NEGR1: variants seen among roughly 807,000 people sequenced by gnomAD.
NEGR1 encodes IgLON family member 4.
A neutral mutation model predicts 40.9 loss-of-function variants in NEGR1; 10 were observed. The ratio of observed to expected loss-of-function variants is 0.24; its 90% CI spans 0.15 to 0.42. NEGR1 has a LOEUF of 0.42. NEGR1 is among the 10% of genes least tolerant of loss of function. The pLI is 1.00. For synonymous variants in NEGR1, 185 were observed against 166.8 expected (o/e 1.11, Z -0.84); for missense variants, 352 against 438.9 (o/e 0.80, Z 1.77).
intron 1 of NEGR1, among the ~76,000 whole-genome samples, chr1:72,195,936 G>C (rs1161752082): frequency 6.6e-6 from 1 of 151,920 alleles, no homozygotes; most frequent in Non-Finnish European, 1.5e-5. Flanking sequence ...CAACCCAAAG[G>C]CATTTTCTGC....
chr1:72,167,723 T>C (rs956571645), intron 1 of NEGR1, among the ~76,000 whole-genome samples: 3 of 152,054 alleles, frequency 2.0e-5, no homozygotes, highest in African/African-American at 7.2e-5. Context: ...TAGCTGTTTT[T>C]AGTTGAGCTT....
At chr1:71,604,904 G>A (rs1422032538) in intron 5 of NEGR1, among the ~76,000 whole-genome samples, 1 of 152,146 alleles carries the variant, frequency 6.6e-6, no homozygotes, top group Non-Finnish European at 1.5e-5. Context: ...TAAAAGTCAA[G>A]ATATTATAGG....
chr1:71,747,020 A>G (rs1655408896), intron 3 of NEGR1, among the ~76,000 whole-genome samples: 1 of 152,236 alleles, frequency 6.6e-6, no homozygotes, highest in African/African-American at 2.4e-5. Flanking sequence ...GCTAGTGTAA[A>G]TGATTCAGTT....
chr1:72,191,504 T>A (rs1237836566), intron 1 of NEGR1, among the ~76,000 whole-genome samples: 1 of 151,832 alleles, frequency 6.6e-6, no homozygotes, highest in East Asian at 1.9e-4. Context: ...AATCCCATAA[T>A]AATCTAAAAT....
At chr1:71,560,717 A>G (rs1271230401) in intron 6 of NEGR1, among the ~76,000 whole-genome samples, 1 of 151,264 alleles carries the variant, frequency 6.6e-6, no homozygotes, top group Admixed American at 6.6e-5. Flanking sequence ...AAGACCAGCC[A>G]AGATTCTAAA....
At chr1:71,977,281 A>T (rs1226571218) in intron 1 of NEGR1, among the ~76,000 whole-genome samples, 2 of 152,084 alleles carry the variant, frequency 1.3e-5, no homozygotes, top group Non-Finnish European at 2.9e-5. Context: ...AGCTGAGATC[A>T]TGCCACTGCA....
chr1:72,211,071 A>T (rs901872526), intron 1 of NEGR1, among the ~76,000 whole-genome samples: 1 of 151,866 alleles, frequency 6.6e-6, no homozygotes, highest in Non-Finnish European at 1.5e-5. Context: ...TGTTTTAAAA[A>T]GAATATTCAC....
chr1:71,984,445 C>G (rs983055502), intron 1 of NEGR1, among the ~76,000 whole-genome samples: 1 of 151,956 alleles, frequency 6.6e-6, no homozygotes, highest in Non-Finnish European at 1.5e-5. Context: ...TTTTAATGTC[C>G]ATTTTTCCAC....
chr1:71,928,736 A>G (rs1238211203), intron 2 of NEGR1, among the ~76,000 whole-genome samples: 3 of 151,922 alleles, frequency 2.0e-5, no homozygotes, highest in Non-Finnish European at 4.4e-5. Context: ...ATGCAATGCA[A>G]TGTTCTTAGG....
chr1:71,833,850 T>C (rs2101794058), intron 2 of NEGR1, among the ~76,000 whole-genome samples: 1 of 152,266 alleles, frequency 6.6e-6, no homozygotes, highest in Non-Finnish European at 1.5e-5. Context: ...CACTGCAGCA[T>C]AAGCATAGCA....
At chr1:71,697,522 C>A (rs2101628381) in intron 4 of NEGR1, among the ~76,000 whole-genome samples, 1 of 151,864 alleles carries the variant, frequency 6.6e-6, no homozygotes, top group South Asian at 2.1e-4. Flanking sequence ...TGGAAAAATT[C>A]TTTCTTCACT....
chr1:71,985,067 A>G (rs1048874751), intron 1 of NEGR1, among the ~76,000 whole-genome samples: 2 of 152,178 alleles, frequency 1.3e-5, no homozygotes, highest in Non-Finnish European at 2.9e-5. Context: ...TGGTAAAGCC[A>G]GATTTTGAAC....
chr1:71,554,246 C>T (rs1164539534), intron 6 of NEGR1, among the ~76,000 whole-genome samples: 2 of 151,350 alleles, frequency 1.3e-5, no homozygotes, highest in African/African-American at 4.8e-5. Context: ...GGGCACTAAA[C>T]AAGTGTAAAT....
chr1:71,956,964 C>A (rs908914702), intron 1 of NEGR1, among the ~76,000 whole-genome samples: 1 of 152,132 alleles, frequency 6.6e-6, no homozygotes, highest in African/African-American at 2.4e-5. Context: ...TCTTCAAATT[C>A]TACTTCCATG....
intron 6 of NEGR1, among the ~76,000 whole-genome samples, chr1:71,426,635 G>A (rs1360230966): frequency 3.3e-5 from 5 of 152,148 alleles, no homozygotes; most frequent in African/African-American, 9.7e-5. Context: ...TTTCCTTACT[G>A]TGTGCTTACT....
intron 1 of NEGR1, among the ~76,000 whole-genome samples, chr1:71,958,599 T>C (rs1305785808): frequency 6.6e-6 from 1 of 152,204 alleles, no homozygotes; most frequent in Non-Finnish European, 1.5e-5. Context: ...CACCAACTCC[T>C]GGAATATCTT....
intron 1 of NEGR1, among the ~76,000 whole-genome samples, chr1:72,252,171 T>TCTC (rs1553153926): frequency 2.3e-4 from 34 of 147,898 alleles, no homozygotes; most frequent in African/African-American, 8.5e-4. Flanking sequence ...AATGGGGCGA[T>TCTC]GTAGCTGGGA....
Position 71,609,431 on chromosome 1 carries a change from C to T in NEGR1, c.788+1595G>A, listed in dbSNP as rs530859103. On this transcript the variant is annotated intron_variant, in intron 5 of 6. Transcript: ENST00000357731. ...TTGGGAGGCTGAGGCAGGAGAATGG[C>T]GTGAACCCGGGAGGCGGAGCTTGCA... Among the ~76,000 whole-genome samples the T allele has an allele frequency of 3.8e-3, 534 of 138,862 alleles. 1 individual carries two copies. The highest frequency in any genetic ancestry group is 5.8e-3 in the Non-Finnish European group (379 of 65,372). 91.1% of individuals were successfully genotyped at this position (138,862 alleles called of 152,430 possible). A position where few individuals can be genotyped will look rare whatever the true frequency, so the allele number is the denominator to read the frequency against.
intron 1 of NEGR1, among the ~76,000 whole-genome samples, chr1:72,050,990 T>C (rs563317253): frequency 1.7e-4 from 26 of 151,538 alleles, no homozygotes; most frequent in Admixed American, 1.5e-3. Context: ...ACCTAAGTAA[T>C]TCTTTTTTTC....
Sources: gnomAD v4.1 joint callset for allele counts (sites outside exome capture counted in the v4.1 genomes callset) on GRCh38, gnomAD v4.1.1 for gene constraint, MANE v1.5 for transcripts, NCBI Gene and HGNC (gene_info 2026-07-23, HGNC 2026-07-21) for gene names.